SBK1: variants seen among roughly 807,000 people sequenced by gnomAD.
SBK1 encodes serine/threonine-protein kinase SBK1.
A neutral mutation model predicts 24.4 loss-of-function variants in SBK1; 11 were observed. That is an observed-to-expected ratio of 0.45 (90% CI 0.28 to 0.75). SBK1 has a LOEUF of 0.75. SBK1 is among the 30% of genes least tolerant of loss of function. SBK1 has a pLI of 0.12. For missense variants in SBK1, 467 were observed against 620.5 expected (o/e 0.75, Z 2.63); for synonymous variants, 308 against 284.4 (o/e 1.08, Z -0.83).
At chr16:28,318,900 C>T in intron 2 of SBK1, 95 bp from the exon 3 acceptor site, 8 of 888,918 alleles carry the variant, frequency 9.0e-6, no homozygotes, top group Middle Eastern at 2.2e-4. Flanking sequence ...TGCTGGGGAC[C>T]CTGTTGCACC....
intron 1 of SBK1, among the ~76,000 whole-genome samples, chr16:28,305,464 G>A (rs554915113): frequency 1.3e-5 from 2 of 150,714 alleles, no homozygotes; most frequent in African/African-American, 2.4e-5. Flanking sequence ...CGCCTGCCTC[G>A]GCCTCCCAAA....
chr16:28,318,926 G>T, intron 2 of SBK1, 69 bp from the exon 3 acceptor site: 1 of 1,148,666 alleles, frequency 8.7e-7, no homozygotes, highest in Non-Finnish European at 1.3e-6. Flanking sequence ...CCAGAGACAG[G>T]CATGGGTGCA....
In SBK1 at chr16:28,283,357, A is replaced by G. The variant is rs11864529; in HGVS notation, c.257+23855A>G. On this transcript the variant is annotated intron_variant, in intron 1 of 3. Transcript: ENST00000671413. ...AACTGAAAAGTTCGGAGTTTCAGGC[A>G]TAGCTGGATCAAGGGGATCAAACGA... Among the ~76,000 whole-genome samples, 1,124 of 152,294 alleles carry G rather than the reference A, an allele frequency of 7.4e-3. 13 individuals carry two copies. Among genetic ancestry groups the G allele is most frequent in the African/African-American group, 0.026 (1,063 of 41,566 alleles).
intron 1 of SBK1, among the ~76,000 whole-genome samples, chr16:28,278,409 C>T (rs2044508730): frequency 6.6e-6 from 1 of 151,972 alleles, no homozygotes; most frequent in African/African-American, 2.4e-5. Context: ...TGTCCTGATC[C>T]TGGCTCACTG....
At position 28,320,798 on chromosome 16, in the gene SBK1, C is replaced by A. The variant is rs2044836953; in HGVS notation, c.1152C>A (p.Pro384=). Residue 384 remains proline, a synonymous_variant, in exon 4 of 4, where the codon CCC becomes CCA. Coordinates refer to ENST00000341901, the MANE Select transcript of SBK1 (RefSeq NM_001024401.3). The surrounding 1 kb of genome is among the most constrained non-coding windows in gnomAD (Gnocchi z 8.5). ...CCGTGCCGGTGCCGGTGCCAGTGCC[C>A]GTGCCGGTGCCTGTGCCCGAGCCCG... ...PLPVPVPVPV[P]VPVPVPEPGL... is the part of the protein sequence containing the mutation. The A allele has an allele frequency of 3.5e-6, 5 of 1,432,414 alleles. No individual in the cohort carries two copies. The highest frequency in any genetic ancestry group is 4.6e-6 in the Non-Finnish European group (5 of 1,090,684). The allele number at this position is 1,432,414 out of a possible 1,614,324, so 88.7% of individuals were successfully genotyped here.
chr16:28,270,070 GT>G (rs1323275491), intron 1 of SBK1, among the ~76,000 whole-genome samples: 4 of 151,950 alleles, frequency 2.6e-5, no homozygotes, highest in African/African-American at 9.6e-5. Context: ...TTCCATTTTT[GT>G]TTTTGTTTTT....
upstream of SBK1, chr16:28,258,687 G>A (rs1486819653): frequency 1.3e-5 from 2 of 152,504 alleles, no homozygotes; most frequent in Non-Finnish European, 2.9e-5. Flanking sequence ...TGCCAGAGAA[G>A]CCACTGGAGC....
At chr16:28,315,110 C>T (rs1282285782) in intron 1 of SBK1, among the ~76,000 whole-genome samples, 1 of 152,158 alleles carries the variant, frequency 6.6e-6, no homozygotes, top group Non-Finnish European at 1.5e-5. Context: ...CTTGCCAGTG[C>T]ACACACAGAT....
chr16:28,312,072 C>T lies in SBK1; in HGVS notation c.-7-5313C>T, dbSNP rs558962318. Among the ~76,000 whole-genome samples the T allele has an allele frequency of 1.2e-4, 18 of 152,338 alleles. 1 individual carries two copies. The South Asian group carries it at 3.7e-3, about 32-fold the overall frequency. ...ATGTGTGTGCTGTATGCACGTGGACCGCCCACCTCAGCAGCCCTTGGGGAC... is the reference window on the plus strand; with the variant it reads ...ATGTGTGTGCTGTATGCACGTGGACTGCCCACCTCAGCAGCCCTTGGGGAC... On this transcript the variant is annotated intron_variant, in intron 1 of 3. Transcript: ENST00000341901.
Position 28,321,754 on chromosome 16 carries a change from C to T in SBK1, c.*833C>T, listed in dbSNP as rs1406884621. 1.3e-5 allele frequency: 2 copies of T among 152,486 alleles called. No homozygotes were observed. The highest frequency in any genetic ancestry group is 4.8e-5 in the African/African-American group (2 of 41,410). The allele number at this position is 152,486 out of a possible 1,614,324, so 9.4% of individuals were successfully genotyped here. A position where few individuals can be genotyped will look rare whatever the true frequency, so the allele number is the denominator to read the frequency against. On this transcript the variant is annotated 3_prime_UTR_variant, in exon 4 of 4. Coordinates refer to ENST00000341901, the MANE Select transcript of SBK1 (RefSeq NM_001024401.3). The stretch of plus-strand genomic sequence containing the variant: ...CTGACAACTTGTGGGGATAGAAGGG[C>T]TCACAGGGCAGGGGTCTCAGCTGCC...
intron 1 of SBK1, chr16:28,287,041 G>A (rs2044569434): frequency 1.3e-5 from 2 of 152,036 alleles, no homozygotes; most frequent in African/African-American, 4.8e-5. Flanking sequence ...GTTGCAGTGA[G>A]CCGAGATCGC....
Position 28,320,582 on chromosome 16 carries a change from C to T in SBK1, c.936C>T (p.Phe312=), listed in dbSNP as rs751782741. 15 of 1,521,324 alleles carry T rather than the reference C, an allele frequency of 9.9e-6. No individual in the cohort carries two copies. Among genetic ancestry groups the T allele is most frequent in the Admixed American group, 2.0e-5 (1 of 49,868 alleles). 94.2% of individuals were successfully genotyped at this position (1,521,324 alleles called of 1,614,324 possible). ...GCCCAGCCAAGGAGGTGTTCCGCTTCCTCAAGCACGAGCTCACGTCCGAGC... is the reference window on the plus strand; with the variant it reads ...GCCCAGCCAAGGAGGTGTTCCGCTTTCTCAAGCACGAGCTCACGTCCGAGC... ...RRGPAKEVFR[F]LKHELTSELR... The change falls in exon 4 of 4, where the codon TTC becomes TTT. Residue 312 remains phenylalanine, a synonymous_variant. Coordinates refer to ENST00000341901, the MANE Select transcript of SBK1 (RefSeq NM_001024401.3). This position sits in a 1 kb window ranked among gnomAD's most constrained non-coding sequence, Gnocchi z 8.5.
In SBK1 at chr16:28,320,407, A is replaced by T; in HGVS notation, c.761A>T (p.Glu254Val). The change falls in exon 4 of 4, where the codon GAG (glutamate) becomes GTG (valine). Residue 254 changes from glutamate (E) to valine (V), a missense_variant. Coordinates refer to ENST00000341901, the MANE Select transcript of SBK1 (RefSeq NM_001024401.3). The surrounding 1 kb of genome is among the most constrained non-coding windows in gnomAD (Gnocchi z 8.5). ...FCVLTGNFPW[E>V]AASGADAFFE... Reference sequence around the variant, plus strand: ...GTGCTCACCGGCAACTTCCCGTGGGAGGCGGCGTCGGGCGCCGACGCCTTC... The same window carrying T: ...GTGCTCACCGGCAACTTCCCGTGGGTGGCGGCGTCGGGCGCCGACGCCTTC... 1 of 1,590,558 alleles carries T rather than the reference A, an allele frequency of 6.3e-7. No individual in the cohort carries two copies. Among genetic ancestry groups the T allele is most frequent in the Non-Finnish European group, 8.5e-7 (1 of 1,174,950 alleles).
chr16:28,306,786 G>A (rs1373522518), intron 1 of SBK1, among the ~76,000 whole-genome samples: 1 of 152,198 alleles, frequency 6.6e-6, no homozygotes, highest in Admixed American at 6.5e-5. Flanking sequence ...TGTGACAAAC[G>A]CTGGGTGAAT....
intron 1 of SBK1, among the ~76,000 whole-genome samples, chr16:28,297,064 T>C (rs940901738): frequency 2.0e-5 from 3 of 151,796 alleles, no homozygotes; most frequent in Admixed American, 6.6e-5. Context: ...GTGCGGTGGC[T>C]CACACCTGTA....
chr16:28,285,214 C>T (rs1206759775), intron 1 of SBK1: 2 of 152,164 alleles, frequency 1.3e-5, no homozygotes, highest in African/African-American at 4.8e-5. Context: ...GCTGGGATTA[C>T]AGGTGTGAGC....
At chr16:28,315,834 C>G (rs145703592) in intron 1 of SBK1, among the ~76,000 whole-genome samples, 2,735 of 152,204 alleles carry the variant, frequency 0.018, 50 homozygotes, top group African/African-American at 0.04. Context: ...GGCACGATCT[C>G]TGCTCACTGC....
chr16:28,274,042 CA>C (rs1334832347), intron 1 of SBK1, among the ~76,000 whole-genome samples: 3 of 152,130 alleles, frequency 2.0e-5, no homozygotes, highest in Non-Finnish European at 4.4e-5. Context: ...CAGTGGTTGC[CA>C]GGGGGCTGGC....
In SBK1 at chr16:28,321,573, A is replaced by C. The variant is rs2044849139; in HGVS notation, c.*652A>C. 6.5e-6 allele frequency: 1 copy of C among 152,950 alleles called. No homozygotes were observed. Among genetic ancestry groups the C allele is most frequent in the Admixed American group, 6.5e-5 (1 of 15,278 alleles). 9.5% of individuals were successfully genotyped at this position (152,950 alleles called of 1,614,324 possible). A position where few individuals can be genotyped will look rare whatever the true frequency, so the allele number is the denominator to read the frequency against. ...GTAGCAAATGTCTGGATGTCGCATA[A>C]GTGCGTGTATGTGCGGGACAGGCCC... On this transcript the variant is annotated 3_prime_UTR_variant, in exon 4 of 4. Coordinates refer to ENST00000341901, the MANE Select transcript of SBK1 (RefSeq NM_001024401.3).
Sources: gnomAD v4.1 joint callset for allele counts (sites outside exome capture counted in the v4.1 genomes callset) on GRCh38, gnomAD v4.1.1 for gene constraint, Gnocchi (gnomAD v3.1) non-coding constraint, MANE v1.5 for transcripts, NCBI Gene and HGNC (gene_info 2026-07-23, HGNC 2026-07-21) for gene names.